Variants in PRDM1 observed in about 807,000 individuals in gnomAD.
PRDM1 encodes the protein PR domain zinc finger protein 1.
Under a neutral mutation model 62.8 loss-of-function variants are expected in PRDM1, and 13 were observed. That is an observed-to-expected ratio of 0.21 (90% CI 0.13 to 0.33). The LOEUF is 0.33. PRDM1 is among the 10% of genes least tolerant of loss of function. The pLI is 1.00. For synonymous variants in PRDM1, 396 were observed against 417.6 expected (o/e 0.95, Z 0.63); for missense variants, 895 against 1,058.8 (o/e 0.85, Z 2.15).
chr6:106,053,018 C>A (rs1414273948), intron 1 of PRDM1, among the ~76,000 whole-genome samples: 9 of 151,700 alleles, frequency 5.9e-5, no homozygotes. Flanking sequence ...CCTAAAAAAA[C>A]CCTCAAATAT....
At chr6:106,104,403 G>C in intron 4 of PRDM1, among the ~76,000 whole-genome samples, 1 of 152,216 alleles carries the variant, frequency 6.6e-6, no homozygotes, top group East Asian at 1.9e-4. Context: ...TAGAGATGGG[G>C]TTTCTCCATG....
chr6:106,058,164 A>G (rs6941743), intron 1 of PRDM1, among the ~76,000 whole-genome samples: 135,459 of 152,186 alleles, frequency 0.89, 60,348 homozygotes, highest in South Asian at 0.94. Context: ...GCTGCTATAC[A>G]AAGTACCACA....
chr6:106,013,035 C>T (rs145907366), intron 1 of PRDM1, among the ~76,000 whole-genome samples: 14 of 152,126 alleles, frequency 9.2e-5, no homozygotes, highest in African/African-American at 2.9e-4. Context: ...TACAAGCGCG[C>T]GCAATCACAC....
upstream of PRDM1, among the ~76,000 whole-genome samples, chr6:106,082,153 C>G (rs1727874482): frequency 6.6e-6 from 1 of 152,162 alleles, no homozygotes. Flanking sequence ...CTCTTTTTCT[C>G]CCTTGTTAAC....
At chr6:106,077,658 A>G (rs1264343452) in intron 1 of PRDM1, among the ~76,000 whole-genome samples, 1 of 152,262 alleles carries the variant, frequency 6.6e-6, no homozygotes, top group Non-Finnish European at 1.5e-5. Flanking sequence ...TAATATACAT[A>G]ACAGTTTGAA....
intron 1 of PRDM1, among the ~76,000 whole-genome samples, chr6:106,061,502 G>A (rs772379136): frequency 6.6e-6 from 1 of 152,230 alleles, no homozygotes; most frequent in Non-Finnish European, 1.5e-5. Context: ...TTCATCTGCA[G>A]TGGGCATGAT....
At chr6:106,079,144 T>C (rs1285115388) in intron 1 of PRDM1, among the ~76,000 whole-genome samples, 1 of 151,984 alleles carries the variant, frequency 6.6e-6, no homozygotes, top group Non-Finnish European at 1.5e-5. Flanking sequence ...TTTGTATTTT[T>C]AGTAGAGACG....
At chr6:106,075,755 C>T (rs1773594981) in intron 1 of PRDM1, among the ~76,000 whole-genome samples, 1 of 152,084 alleles carries the variant, frequency 6.6e-6, no homozygotes, top group Non-Finnish European at 1.5e-5. Context: ...TGGGGTCTTG[C>T]TATGTTCCTC....
chr6:105,996,725 G>A (rs1407100176), intron 1 of PRDM1, among the ~76,000 whole-genome samples: 1 of 152,172 alleles, frequency 6.6e-6, no homozygotes, highest in African/African-American at 2.4e-5. Flanking sequence ...TGCCAAGAGA[G>A]AACATTACAA....
chr6:106,012,844 T>C (rs2114551769), intron 1 of PRDM1, among the ~76,000 whole-genome samples: 1 of 152,362 alleles, frequency 6.6e-6, no homozygotes, highest in South Asian at 2.1e-4. Flanking sequence ...AAATTTGTTT[T>C]CTGCTTTTTC....
intron 3 of PRDM1, among the ~76,000 whole-genome samples, chr6:106,096,563 A>G (rs1774123343): frequency 6.6e-6 from 1 of 152,268 alleles, no homozygotes; most frequent in Admixed American, 6.5e-5. Context: ...TGTGCATGGT[A>G]AAATGATTCC....
At chr6:106,092,974 G>A (rs1774004096) in intron 2 of PRDM1, among the ~76,000 whole-genome samples, 1 of 152,106 alleles carries the variant, frequency 6.6e-6, no homozygotes, top group African/African-American at 2.4e-5. Context: ...AAATATTAGG[G>A]CGCTCTGTCC....
chr6:106,033,532 T>A (rs1772879461), intron 1 of PRDM1, among the ~76,000 whole-genome samples: 1 of 152,074 alleles, frequency 6.6e-6, no homozygotes, highest in African/African-American at 2.4e-5. Context: ...ACCAGGCTGG[T>A]CTTGAACTCC....
chr6:105,999,999 G>A (rs1404558487), intron 1 of PRDM1, among the ~76,000 whole-genome samples: 1 of 152,068 alleles, frequency 6.6e-6, no homozygotes, highest in Non-Finnish European at 1.5e-5. Flanking sequence ...ACAGGCGCCT[G>A]CCACCACGCC....
At chr6:106,087,950 T>C in intron 1 of PRDM1, 1 of 280,210 alleles carries the variant, frequency 3.6e-6, no homozygotes, top group South Asian at 6.7e-5. Flanking sequence ...TTTTTTTTTT[T>C]CCTTTTCCCC....
At chr6:106,053,621 T>C (rs915398708) in intron 1 of PRDM1, among the ~76,000 whole-genome samples, 41 of 152,160 alleles carry the variant, frequency 2.7e-4, no homozygotes, top group Non-Finnish European at 5.9e-4. Flanking sequence ...AATACACTTA[T>C]TGGCACCCAA....
upstream of PRDM1, among the ~76,000 whole-genome samples, chr6:106,044,860 A>G (rs1356913801): frequency 6.6e-6 from 1 of 152,220 alleles, no homozygotes; most frequent in Non-Finnish European, 1.5e-5. Flanking sequence ...CGTCATTTTC[A>G]TTGAGTTAAT....
At chr6:106,026,619 A>G (rs1442345577) in intron 1 of PRDM1, among the ~76,000 whole-genome samples, 1 of 152,242 alleles carries the variant, frequency 6.6e-6, no homozygotes, top group Non-Finnish European at 1.5e-5. Context: ...GGGTGAACTA[A>G]GCAGCCTCTG....
At chr6:106,026,368 A>T (rs1772767192) in intron 1 of PRDM1, among the ~76,000 whole-genome samples, 1 of 152,140 alleles carries the variant, frequency 6.6e-6, no homozygotes, top group Non-Finnish European at 1.5e-5. Context: ...AATCCCAGCT[A>T]CTTGGGAGGC....
Sources: gnomAD v4.1 joint callset for allele counts (sites outside exome capture counted in the v4.1 genomes callset) on GRCh38, gnomAD v4.1.1 for gene constraint, MANE v1.5 for transcripts, NCBI Gene and HGNC (gene_info 2026-07-23, HGNC 2026-07-21) for gene names.